LRP1B: variants seen among roughly 807,000 people sequenced by gnomAD.
LRP1B encodes low-density lipoprotein receptor-related protein 1B.
A neutral mutation model predicts 556.6 loss-of-function variants in LRP1B; 217 were observed. That is an observed-to-expected ratio of 0.39 (90% CI 0.35 to 0.44). The LOEUF is 0.44. Ranked by LOEUF, LRP1B falls within the 20% of genes least tolerant of loss-of-function variation. The pLI, the probability that LRP1B is intolerant of heterozygous loss-of-function variation, is 1.00. For synonymous variants in LRP1B, 2,047 were observed against 1,865.8 expected (o/e 1.10, Z -2.50); for missense variants, 5,053 against 5,620.8 (o/e 0.90, Z 3.23).
chr2:140,815,463 C>G (rs1025336), intron 31 of LRP1B, among the ~76,000 whole-genome samples: 1 of 151,806 alleles, frequency 6.6e-6, no homozygotes, highest in South Asian at 2.1e-4. Flanking sequence ...TGAGCCACCT[C>G]GCCTAGTTCT....
At chr2:140,790,836 C>T (rs550461572) in intron 32 of LRP1B, among the ~76,000 whole-genome samples, 10 of 152,218 alleles carry the variant, frequency 6.6e-5, no homozygotes, top group Admixed American at 2.0e-4. Context: ...GGCAATGGCT[C>T]ACACCTGTAA....
chr2:141,643,406 T>G (rs2105367751), intron 2 of LRP1B, among the ~76,000 whole-genome samples: 1 of 152,260 alleles, frequency 6.6e-6, no homozygotes, highest in East Asian at 1.9e-4. Flanking sequence ...ATATACATAT[T>G]TAAGATAATG....
At chr2:141,887,949 C>T (rs1328064858) in intron 1 of LRP1B, among the ~76,000 whole-genome samples, 2 of 152,282 alleles carry the variant, frequency 1.3e-5, no homozygotes, top group East Asian at 3.9e-4. Context: ...TGGTAAAATA[C>T]CTGTCAAAAA....
intron 2 of LRP1B, among the ~76,000 whole-genome samples, chr2:141,699,099 G>C (rs963076363): frequency 2.6e-5 from 4 of 151,782 alleles, no homozygotes; most frequent in Non-Finnish European, 4.4e-5. Flanking sequence ...AGGTTTCTCT[G>C]TAAATAGCCT....
intron 2 of LRP1B, among the ~76,000 whole-genome samples, chr2:141,498,932 T>C (rs1465800363): frequency 6.6e-6 from 1 of 152,070 alleles, no homozygotes; most frequent in Non-Finnish European, 1.5e-5. Context: ...ACCCAATCTG[T>C]TCCATCCAGG....
intron 41 of LRP1B, among the ~76,000 whole-genome samples, chr2:140,626,664 A>T (rs907661319): frequency 2.0e-5 from 3 of 150,962 alleles, no homozygotes; most frequent in Non-Finnish European, 4.4e-5. Flanking sequence ...TACAAAGATT[A>T]GCAAATTTGA....
chr2:141,218,539 A>T (rs756505524), intron 6 of LRP1B, among the ~76,000 whole-genome samples: 3 of 152,208 alleles, frequency 2.0e-5, no homozygotes, highest in Non-Finnish European at 4.4e-5. Context: ...GAAACAGAAA[A>T]CCAAACACTA....
rs544753632 is a variant in LRP1B at position 141,255,312 on chromosome 2, G to A, written c.344-671C>T. ...TAAACTAGATAAATATTGGATAGAAGCATGACTGTCTGAAAATAGGGGTAT... is the reference window on the plus strand; with the variant it reads ...TAAACTAGATAAATATTGGATAGAAACATGACTGTCTGAAAATAGGGGTAT... On this transcript the variant is annotated intron_variant, in intron 3 of 90. Transcript: ENST00000389484. 2.0e-5 allele frequency among the ~76,000 whole-genome samples: 3 copies of A among 152,060 alleles called. No homozygotes were observed. The South Asian group carries it at 6.2e-4, about 32-fold the overall frequency.
intron 7 of LRP1B, among the ~76,000 whole-genome samples, chr2:141,081,761 T>C (rs907123444): frequency 6.6e-6 from 1 of 152,206 alleles, no homozygotes; most frequent in Non-Finnish European, 1.5e-5. Flanking sequence ...AGAACTTTAA[T>C]GGAACTGAGC....
At chr2:141,708,608 T>C (rs1692238305) in intron 2 of LRP1B, among the ~76,000 whole-genome samples, 1 of 152,176 alleles carries the variant, frequency 6.6e-6, no homozygotes, top group Non-Finnish European at 1.5e-5. Context: ...TACTGCTTTT[T>C]CTAATGACTC....
rs116283373 is a variant in LRP1B, at chr2:142,062,142, T to A, written c.82+68506A>T. Among the ~76,000 whole-genome samples the A allele has an allele frequency of 6.2e-3, 948 of 152,070 alleles. 10 individuals are homozygous for A. The highest frequency in any genetic ancestry group is 0.021 in the African/African-American group (875 of 41,546). On this transcript the variant is annotated intron_variant, in intron 1 of 90. Transcript: ENST00000389484. ...AGCTATGACCTTGGGCACACTTCAA[T>A]GCCCCCAGCCAACTAGCATGGTAAA...
chr2:141,337,605 C>A (rs965465772), intron 3 of LRP1B, among the ~76,000 whole-genome samples: 1 of 152,076 alleles, frequency 6.6e-6, no homozygotes, highest in Non-Finnish European at 1.5e-5. Context: ...TTTAATAGAT[C>A]GACTATTTAT....
rs539897223 is a variant in LRP1B, at chr2:141,535,343, T to A, written c.206-54810A>T. 5.3e-5 allele frequency among the ~76,000 whole-genome samples: 8 copies of A among 152,238 alleles called. No homozygotes were observed. In the East Asian group the frequency reaches 1.2e-3, roughly 22 times the overall value. ...AAAGTCTAGCAAAACTTATTATCTA[T>A]AAACTCTGCAGTATGGTATTAGTTC... On this transcript the variant is annotated intron_variant, in intron 2 of 90. Transcript: ENST00000389484.
intron 7 of LRP1B, among the ~76,000 whole-genome samples, chr2:141,091,066 G>C (rs1574063986): frequency 6.6e-6 from 1 of 152,256 alleles, no homozygotes; most frequent in African/African-American, 2.4e-5. Flanking sequence ...GATACATGAA[G>C]TTTGGTCAAT....
chr2:141,592,235 T>G (rs368667046), intron 2 of LRP1B, among the ~76,000 whole-genome samples: 2 of 152,212 alleles, frequency 1.3e-5, no homozygotes, highest in South Asian at 4.1e-4. Flanking sequence ...CTGTTCAGGC[T>G]GCTAGAACAA....
intron 7 of LRP1B, among the ~76,000 whole-genome samples, chr2:141,065,143 G>GAT (rs1447491789): frequency 1.3e-5 from 2 of 151,790 alleles, no homozygotes; most frequent in Non-Finnish European, 2.9e-5. Context: ...TAGTAGAATG[G>GAT]ATGCCTATAC....
At chr2:142,005,197 T>C (rs1702765244) in intron 1 of LRP1B, among the ~76,000 whole-genome samples, 1 of 151,142 alleles carries the variant, frequency 6.6e-6, no homozygotes, top group South Asian at 2.1e-4. Flanking sequence ...CCTATATATA[T>C]TTAGTGCAGA....
intron 80 of LRP1B, among the ~76,000 whole-genome samples, chr2:140,324,714 C>CAAAACGACATTTATATTTTACTA (rs1210351822): frequency 6.6e-6 from 1 of 151,708 alleles, no homozygotes; most frequent in African/African-American, 2.4e-5. Context: ...AAATTTATAA[C>CAAAACGACATTTATATTTTACTA]AAAACGACAT....
intron 1 of LRP1B, among the ~76,000 whole-genome samples, chr2:142,128,998 A>C (rs1707756357): frequency 6.6e-6 from 1 of 152,210 alleles, no homozygotes; most frequent in Admixed American, 6.5e-5. Flanking sequence ...GCTTTAGATG[A>C]AGTCAAATTT....
Sources: allele counts gnomAD v4.1 joint callset (sites outside exome capture counted in the v4.1 genomes callset), GRCh38; gene constraint gnomAD v4.1.1; transcripts MANE v1.5; gene names NCBI Gene and HGNC (gene_info 2026-07-23, HGNC 2026-07-21).